Variants in ING4 observed in about 807,000 individuals in gnomAD.
The protein encoded by ING4 is inhibitor of growth family member 4.
ING4 carries 28 observed loss-of-function variants against 33.1 expected under a neutral mutation model. The observed-to-expected ratio is 0.85, with a 90% CI of 0.63 to 1.16. The LOEUF (loss-of-function observed/expected upper bound fraction) is 1.16, where lower values mean the gene tolerates loss of function less well. ING4 is among the 50% of genes most tolerant of loss of function. The pLI, the probability that ING4 is intolerant of heterozygous loss-of-function variation, is 0.00. For synonymous variants in ING4, 87 were observed against 104.4 expected (o/e 0.83, Z 1.02); for missense variants, 247 against 314.7 (o/e 0.78, Z 1.63).
intron 2 of ING4, 138 bp from the exon 3 acceptor site, chr12:6,653,534 T>C (rs1949252656): frequency 6.1e-6 from 5 of 825,450 alleles, no homozygotes; most frequent in Non-Finnish European, 9.2e-6. Context: ...TCAGAGGTAC[T>C]GTGCCATGCA....
intron 1 of ING4, among the ~76,000 whole-genome samples, chr12:6,658,203 G>A (rs1246431471): frequency 1.3e-5 from 2 of 151,664 alleles, no homozygotes; most frequent in Admixed American, 6.6e-5. Context: ...CAGGTGATCC[G>A]CCCGCCTTGA....
At position 6,653,329 on chromosome 12, in the gene ING4, C is replaced by T; in HGVS notation, c.177G>A (p.Glu59=). ...YMSSARSLSS[E]EKLALLKQIQ... Reference sequence around the variant, plus strand: ...TCTGTTTGAGAAGGGCCAATTTTTCCTCGGAGCTCAGGCTGCGGGCACTAC... The same window carrying T: ...TCTGTTTGAGAAGGGCCAATTTTTCTTCGGAGCTCAGGCTGCGGGCACTAC... The change falls in exon 3 of 8, where the codon GAG becomes GAA. Residue 59 remains glutamate (E), a synonymous_variant. Coordinates refer to ENST00000341550, the MANE Select transcript of ING4 (RefSeq NM_016162.4). 6.2e-7 allele frequency: 1 copy of T among 1,614,174 alleles called. No individual in the cohort carries two copies. Among genetic ancestry groups the T allele is most frequent in the Non-Finnish European group, 8.5e-7 (1 of 1,180,046 alleles).
chr12:6,653,305 CTGTT>C lies in ING4; in HGVS notation c.197_200del (p.Lys66ArgfsTer95). On this transcript the variant is annotated frameshift_variant, in exon 3 of 8. Coordinates refer to ENST00000341550, the MANE Select transcript of ING4 (RefSeq NM_016162.4). LOFTEE classifies it high-confidence loss of function. ...TGCACTTGCCATAGGCTTCCTGGAT[CTGTT>C]TGAGAAGGGCCAATTTTTCCTCGGA... 6.2e-7 allele frequency: 1 copy of C among 1,614,170 alleles called. No homozygotes were observed. Among genetic ancestry groups the C allele is most frequent in the Non-Finnish European group, 8.5e-7 (1 of 1,180,046 alleles).
chr12:6,653,117 CAG>C (rs1949238048), intron 3 of ING4, 67 bp from the exon 4 acceptor site: 2 of 1,596,194 alleles, frequency 1.3e-6, no homozygotes, highest in South Asian at 1.1e-5. Context: ...TAGGTTAAGG[CAG>C]AGTTTATGGA....
In ING4 at chr12:6,653,407, G is replaced by C. The variant is rs771387644; in HGVS notation, c.110-11C>G. ...TTTCAGCCTTCAGGTCTACAACAGAGACAGAGGCCTGGTCACAATGGCCCC... is the reference window on the plus strand; with the variant it reads ...TTTCAGCCTTCAGGTCTACAACAGACACAGAGGCCTGGTCACAATGGCCCC... On this transcript the variant is annotated splice_polypyrimidine_tract_variant and intron_variant, in intron 2 of 7. Coordinates refer to ENST00000341550, the MANE Select transcript of ING4 (RefSeq NM_016162.4). 1 of 1,612,214 alleles carries C rather than the reference G, an allele frequency of 6.2e-7. No individual in the cohort carries two copies. Among genetic ancestry groups the C allele is most frequent in the Non-Finnish European group, 8.5e-7 (1 of 1,179,046 alleles).
At chr12:6,656,270 G>T (rs568970600) in intron 2 of ING4, among the ~76,000 whole-genome samples, 1 of 151,786 alleles carries the variant, frequency 6.6e-6, no homozygotes, top group South Asian at 2.1e-4. Flanking sequence ...CCACCTCCCA[G>T]GTTCAAACGA....
In ING4 at chr12:6,650,462, C is replaced by T. The variant is rs1261799176; in HGVS notation, c.*733G>A. On this transcript the variant is annotated 3_prime_UTR_variant, in exon 8 of 8. Transcript: ENST00000341550. The stretch of plus-strand genomic sequence containing the variant: ...ACTTACAAGTTCTCGGACAGAGGCA[C>T]CACTCTGGTTTCATGTCGTGTCCTA... 1.3e-5 allele frequency: 2 copies of T among 152,604 alleles called. No individual in the cohort carries two copies. The highest frequency in any genetic ancestry group is 4.8e-5 in the African/African-American group (2 of 41,446). 9.5% of individuals were successfully genotyped at this position (152,604 alleles called of 1,614,324 possible). A position where few individuals can be genotyped will look rare whatever the true frequency, so the allele number is the denominator to read the frequency against.
In ING4 at chr12:6,661,406, GTTTTTTTT is replaced by G. The variant is rs1174675715; in HGVS notation, c.37+1651_37+1658del. Among the ~76,000 whole-genome samples the G allele has an allele frequency of 6.7e-5, 8 of 118,618 alleles. No individual in the cohort carries two copies. The South Asian group carries it at 1.1e-3, about 16-fold the overall frequency. The allele number at this position is 118,618 out of a possible 152,430, so 77.8% of individuals were successfully genotyped here. On this transcript the variant is annotated intron_variant, in intron 1 of 7. Transcript: ENST00000341550. ...CCACCGTGCCTGGCCACCAGCCTTT[GTTTTTTTT>G]TTTTTTTTTTTTTTTGAGAGGGACA...
chr12:6,656,296 C>T, intron 2 of ING4: 1 of 242,516 alleles, frequency 4.1e-6, no homozygotes, highest in South Asian at 4.5e-5. Flanking sequence ...ACGTCTCAGC[C>T]TCCCAAGTAG....
At chr12:6,659,284 G>C (rs889410011) in intron 1 of ING4, among the ~76,000 whole-genome samples, 1 of 152,054 alleles carries the variant, frequency 6.6e-6, no homozygotes, top group African/African-American at 2.4e-5. Flanking sequence ...GGCCAGGCAC[G>C]GTGGCTCATG....
At chr12:6,652,830 C>A in intron 4 of ING4, 63 bp from the exon 5 acceptor site, 1 of 1,574,766 alleles carries the variant, frequency 6.4e-7, no homozygotes, top group Non-Finnish European at 8.7e-7. Context: ...AAGTCCTCTT[C>A]TCTCCCCCTT....
intron 4 of ING4, 53 bp downstream of exon 4, chr12:6,652,883 T>A (rs1305573581): frequency 1.5e-5 from 24 of 1,563,844 alleles, no homozygotes; most frequent in South Asian, 3.3e-5. Context: ...AGAGCTGACT[T>A]CTTCTCCCTT....
At chr12:6,654,135 C>A (rs1949273548) in intron 2 of ING4, among the ~76,000 whole-genome samples, 1 of 151,998 alleles carries the variant, frequency 6.6e-6, no homozygotes, top group Admixed American at 6.6e-5. Flanking sequence ...CCATGCCTGG[C>A]CTAATCTATT....
intron 6 of ING4, 53 bp from the exon 7 acceptor site, chr12:6,651,438 G>C (rs1949176522): frequency 2.0e-6 from 3 of 1,465,656 alleles, no homozygotes; most frequent in Non-Finnish European, 2.9e-6. Context: ...AGAGGAAGGA[G>C]AGAAAGCCCC....
chr12:6,652,614 G>A (rs762763512), intron 5 of ING4, 48 bp downstream of exon 5: 63 of 1,542,204 alleles, frequency 4.1e-5, no homozygotes, highest in East Asian at 1.1e-4. Context: ...GTGGGGCACC[G>A]GGAGAGAAGA....
intron 6 of ING4, 25 bp from the exon 7 acceptor site, chr12:6,651,410 CAG>C: frequency 6.2e-7 from 1 of 1,606,178 alleles, no homozygotes; most frequent in Non-Finnish European, 8.5e-7. Flanking sequence ...AAGAAGTAGT[CAG>C]GGGCCAGGAA....
chr12:6,661,406 G>GTT (rs1174675715), intron 1 of ING4, among the ~76,000 whole-genome samples: 1,840 of 118,250 alleles, frequency 0.016, 120 homozygotes, highest in African/African-American at 0.061. Context: ...ACCAGCCTTT[G>GTT]TTTTTTTTTT....
In ING4 at chr12:6,660,129, A is replaced by T. The variant is rs76783851; in HGVS notation, c.37+2936T>A. ...TGAATATTTGTCACCCCAGTACAAG[A>T]GAAATCTCTTGCCAAGACTCCACCT... is the stretch of plus-strand genomic sequence containing the variant. On this transcript the variant is annotated intron_variant, in intron 1 of 7. Coordinates refer to ENST00000341550, the MANE Select transcript of ING4 (RefSeq NM_016162.4). Among the ~76,000 whole-genome samples, 270 of 152,268 alleles carry T rather than the reference A, an allele frequency of 1.8e-3. 1 individual carries two copies. Among genetic ancestry groups the T allele is most frequent in the African/African-American group, 6.2e-3 (257 of 41,564 alleles).
intron 1 of ING4, among the ~76,000 whole-genome samples, chr12:6,660,764 C>T (rs1295455367): frequency 6.6e-6 from 1 of 152,194 alleles, no homozygotes; most frequent in African/African-American, 2.4e-5. Flanking sequence ...TTAAGCCTAT[C>T]CTAAAAAATA....
Sources: allele counts gnomAD v4.1 joint callset (sites outside exome capture counted in the v4.1 genomes callset), GRCh38; gene constraint gnomAD v4.1.1; transcripts MANE v1.5; gene names NCBI Gene and HGNC (gene_info 2026-07-23, HGNC 2026-07-21).